Variants in ZBTB20 observed in about 807,000 individuals in gnomAD.
ZBTB20 encodes zinc finger and BTB domain containing 20, also known as zinc finger and BTB domain-containing protein 20.
In ZBTB20, 9 loss-of-function variants were observed where a neutral mutation model predicts 56.9. The ratio of observed to expected loss-of-function variants is 0.16; its 90% CI spans 0.10 to 0.28. ZBTB20 has a LOEUF of 0.28. Ranked by LOEUF, ZBTB20 falls within the 10% of genes least tolerant of loss-of-function variation. ZBTB20 has a pLI of 1.00. For synonymous variants in ZBTB20, 417 were observed against 420.7 expected, an observed-to-expected ratio of 0.99 and a Z score of 0.11; for missense variants, 655 against 1,003.0, an observed-to-expected ratio of 0.65 and a Z score of 4.69.
intron 5 of ZBTB20, among the ~76,000 whole-genome samples, chr3:114,758,003 A>C (rs528567112): frequency 1.3e-5 from 2 of 152,254 alleles, no homozygotes; most frequent in South Asian, 4.1e-4. Context: ...CCTTTGTTTT[A>C]AATCAATGTT....
chr3:114,857,505 C>A (rs1221828112), intron 4 of ZBTB20, among the ~76,000 whole-genome samples: 1 of 152,038 alleles, frequency 6.6e-6, no homozygotes, highest in African/African-American at 2.4e-5. Flanking sequence ...AACAGGGCTG[C>A]GGAGAGAGGT....
chr3:114,996,476 T>C (rs1027693055), intron 2 of ZBTB20, among the ~76,000 whole-genome samples: 1 of 151,896 alleles, frequency 6.6e-6, no homozygotes, highest in East Asian at 1.9e-4. Context: ...TCTGTTCTTG[T>C]GTTAGTTTGC....
chr3:114,557,765 C>T (rs1287017849), intron 6 of ZBTB20, among the ~76,000 whole-genome samples: 1 of 151,796 alleles, frequency 6.6e-6, no homozygotes, highest in East Asian at 1.9e-4. Flanking sequence ...ACCAAATTTG[C>T]ATTATATATG....
chr3:114,683,217 A>C (rs1285407444), intron 6 of ZBTB20, among the ~76,000 whole-genome samples: 1 of 152,160 alleles, frequency 6.6e-6, no homozygotes, highest in Non-Finnish European at 1.5e-5. Context: ...TGTGATGTTA[A>C]GGTGATCATC....
chr3:114,903,737 A>G (rs1006157564), intron 3 of ZBTB20, among the ~76,000 whole-genome samples: 4 of 152,036 alleles, frequency 2.6e-5, no homozygotes, highest in Non-Finnish European at 4.4e-5. Context: ...TAAGGACAAA[A>G]TGAATATAAT....
In ZBTB20 at chr3:115,086,725, C is replaced by A. The variant is rs1250913443; in HGVS notation, c.-702-15311G>T. ...GGATCTCTGAATAATTCATATATTTCCAAATCAAAATTTAGAGGATCTGTA... is the reference window on the plus strand; with the variant it reads ...GGATCTCTGAATAATTCATATATTTACAAATCAAAATTTAGAGGATCTGTA... On this transcript the variant is annotated intron_variant, in intron 1 of 11. Transcript: ENST00000675478. Among the ~76,000 whole-genome samples the A allele has an allele frequency of 2.0e-5, 3 of 151,736 alleles. No individual in the cohort carries two copies. In the East Asian group the frequency reaches 5.8e-4, roughly 29 times the overall value.
chr3:114,458,315 A>G (rs772768067), intron 7 of ZBTB20, among the ~76,000 whole-genome samples: 4 of 152,192 alleles, frequency 2.6e-5, no homozygotes, highest in African/African-American at 9.7e-5. Context: ...ACACACAAAC[A>G]TATAGTTATA....
intron 4 of ZBTB20, among the ~76,000 whole-genome samples, chr3:114,823,101 G>T (rs980929189): frequency 6.6e-6 from 1 of 152,036 alleles, no homozygotes; most frequent in Non-Finnish European, 1.5e-5. Context: ...CAATGTCCTG[G>T]CCTAATCATC....
At chr3:115,049,758 A>T (rs1032989017) in intron 2 of ZBTB20, among the ~76,000 whole-genome samples, 38 of 152,136 alleles carry the variant, frequency 2.5e-4, no homozygotes, top group African/African-American at 9.2e-4. Context: ...CACACTTCCA[A>T]TTACTTTCTT....
chr3:114,617,436 C>T (rs1238999194), intron 6 of ZBTB20, among the ~76,000 whole-genome samples: 1 of 152,192 alleles, frequency 6.6e-6, no homozygotes, highest in Non-Finnish European at 1.5e-5. Context: ...TTCCTCTGAT[C>T]CCCCACTCCA....
chr3:115,091,666 A>C (rs2083196412), intron 1 of ZBTB20, among the ~76,000 whole-genome samples: 1 of 150,674 alleles, frequency 6.6e-6, no homozygotes, highest in Non-Finnish European at 1.5e-5. Flanking sequence ...ACAACAAAGA[A>C]ATGTGTATTT....
intron 1 of ZBTB20, among the ~76,000 whole-genome samples, chr3:115,095,190 A>C (rs1170680296): frequency 6.6e-6 from 1 of 152,176 alleles, no homozygotes; most frequent in African/African-American, 2.4e-5. Context: ...ATTCAGAATT[A>C]ATAAAAAATA....
At chr3:114,577,597 A>G (rs898101884) in intron 6 of ZBTB20, among the ~76,000 whole-genome samples, 4 of 152,228 alleles carry the variant, frequency 2.6e-5, no homozygotes, top group African/African-American at 7.2e-5. Flanking sequence ...CTAGAATCAC[A>G]TCGAGATACC....
intron 7 of ZBTB20, among the ~76,000 whole-genome samples, chr3:114,483,104 T>A (rs2041732056): frequency 6.6e-6 from 1 of 152,176 alleles, no homozygotes. Context: ...CTTGACAGCA[T>A]CTCTTTTACT....
chr3:114,335,842 A>C lies in ZBTB20; in HGVS notation c.*3163T>G, dbSNP rs1256751173. 1 of 152,018 alleles carries C rather than the reference A, an allele frequency of 6.6e-6. No individual in the cohort carries two copies. The highest frequency in any genetic ancestry group is 1.9e-4 in the East Asian group (1 of 5,194). The allele number at this position is 152,018 out of a possible 1,614,324, so 9.4% of individuals were successfully genotyped here. A position where few individuals can be genotyped will look rare whatever the true frequency, so the allele number is the denominator to read the frequency against. ...TTTTTTTAAGAGACACTTCCTTTAC[A>C]GGGAAAGGATGATAGACTCCTCAGG... On this transcript the variant is annotated 3_prime_UTR_variant, in exon 12 of 12. Transcript: ENST00000675478.
At chr3:114,523,435 T>G (rs1446412329) in intron 6 of ZBTB20, among the ~76,000 whole-genome samples, 3 of 152,194 alleles carry the variant, frequency 2.0e-5, no homozygotes, top group Admixed American at 6.5e-5. Flanking sequence ...CAGGAGCTGC[T>G]AGGGAGTATG....
At chr3:114,876,450 T>TA (rs1288378842) in intron 4 of ZBTB20, 2 of 151,984 alleles carry the variant, frequency 1.3e-5, no homozygotes, top group Non-Finnish European at 2.9e-5. Context: ...ACCCCATCTC[T>TA]AAAAAAATAA....
At chr3:115,014,949 G>A (rs72960385) in intron 2 of ZBTB20, among the ~76,000 whole-genome samples, 3,219 of 151,776 alleles carry the variant, frequency 0.021, 46 homozygotes, top group South Asian at 0.05. Flanking sequence ...TTTATAAAAG[G>A]CTAAGAAAAG....
At chr3:114,447,080 C>A (rs2091318249) in intron 7 of ZBTB20, among the ~76,000 whole-genome samples, 1 of 152,146 alleles carries the variant, frequency 6.6e-6, no homozygotes, top group Non-Finnish European at 1.5e-5. Flanking sequence ...GGCAATTATT[C>A]ATTTCAATTA....
Sources: gnomAD v4.1 joint callset for allele counts (sites outside exome capture counted in the v4.1 genomes callset) on GRCh38, gnomAD v4.1.1 for gene constraint, MANE v1.5 for transcripts, NCBI Gene and HGNC (gene_info 2026-07-23, HGNC 2026-07-21) for gene names.